Variants in ATG7 observed in about 807,000 individuals in gnomAD.
ATG7 encodes autophagy related 7.
In ATG7, 70 loss-of-function variants were observed where a neutral mutation model predicts 82.4. That is an observed-to-expected ratio of 0.85 (90% CI 0.70 to 1.04). The LOEUF is 1.04. Ranked by LOEUF, ATG7 falls within the 50% of genes least tolerant of loss-of-function variation. The probability of loss-of-function intolerance (pLI) is 0.00; values close to 1 mark genes in which losing one functional copy is unlikely to be tolerated. For synonymous variants in ATG7, 287 were observed against 313.0 expected, an observed-to-expected ratio of 0.92 and a Z score of 0.88; for missense variants, 792 against 864.3, an observed-to-expected ratio of 0.92 and a Z score of 1.05.
chr3:11,494,560 A>C (rs1037611953), intron 20 of ATG7, among the ~76,000 whole-genome samples: 3 of 152,212 alleles, frequency 2.0e-5, no homozygotes, highest in Non-Finnish European at 4.4e-5. Flanking sequence ...CTAGAAGGCA[A>C]AGCTAGGATT....
chr3:11,379,340 T>C (rs1033495251), intron 18 of ATG7, among the ~76,000 whole-genome samples: 6 of 152,222 alleles, frequency 3.9e-5, no homozygotes, highest in African/African-American at 9.7e-5. Flanking sequence ...ACTTCAGTTA[T>C]AGTTTGTGAA....
chr3:11,303,662 C>T (rs1482666316), intron 5 of ATG7, among the ~76,000 whole-genome samples: 5 of 150,076 alleles, frequency 3.3e-5, no homozygotes, highest in Admixed American at 6.6e-5. Context: ...AGCGAGACTC[C>T]GTCTCTAAAA....
chr3:11,475,431 G>A (rs1009549945), intron 20 of ATG7, among the ~76,000 whole-genome samples: 4 of 152,162 alleles, frequency 2.6e-5, no homozygotes, highest in Admixed American at 2.0e-4. Flanking sequence ...GGGGGCTGGC[G>A]AGATGCGTCA....
chr3:11,567,969 G>T, the ATG7 span, among the ~76,000 whole-genome samples: 125 of 152,256 alleles, frequency 8.2e-4, no homozygotes, highest in Admixed American at 2.2e-3. Context: ...GTCTGCCTCC[G>T]AATTTAGACG....
rs369954525 is a variant in ATG7, at chr3:11,511,514, C to T, written c.2080-43297C>T. On this transcript the variant is annotated intron_variant, in intron 20 of 20. Transcript: ENST00000693202. The stretch of plus-strand genomic sequence containing the variant: ...AGACTCTCCATGTCCCCACCAGACT[C>T]AGGAGCCCAGCTGGCTTCACCTAGT... Among the ~76,000 whole-genome samples, 40 of 152,366 alleles carry T rather than the reference C, an allele frequency of 2.6e-4. No individual in the cohort carries two copies. In the East Asian group the frequency reaches 6.9e-3, roughly 26 times the overall value.
At chr3:11,301,489 A>T (rs1172559352) in intron 5 of ATG7, among the ~76,000 whole-genome samples, 2 of 152,026 alleles carry the variant, frequency 1.3e-5, no homozygotes, top group Admixed American at 1.3e-4. Context: ...TTTTCCCTTT[A>T]TCTCAATCCA....
intron 20 of ATG7, among the ~76,000 whole-genome samples, chr3:11,515,493 G>A (rs1169768089): frequency 1.3e-5 from 2 of 152,070 alleles, no homozygotes; most frequent in African/African-American, 2.4e-5. Context: ...TAGTAGAGAC[G>A]GGGTTTTGCT....
chr3:11,485,379 G>A (rs537750023), intron 20 of ATG7, among the ~76,000 whole-genome samples: 10 of 152,126 alleles, frequency 6.6e-5, no homozygotes, highest in Non-Finnish European at 1.2e-4. Flanking sequence ...CCCACTTTTC[G>A]ATGGGGTTGT....
intron 20 of ATG7, among the ~76,000 whole-genome samples, chr3:11,492,085 C>A (rs1361962803): frequency 6.6e-6 from 1 of 152,198 alleles, no homozygotes; most frequent in Non-Finnish European, 1.5e-5. Flanking sequence ...GCAGTTTGAT[C>A]TCAGACTGCT....
intron 20 of ATG7, among the ~76,000 whole-genome samples, chr3:11,552,487 G>GC (rs1455456916): frequency 1.3e-5 from 2 of 152,102 alleles, no homozygotes; most frequent in African/African-American, 4.8e-5. Context: ...GCAGATCCCA[G>GC]CCCCCAGTCC....
intron 1 of ATG7, among the ~76,000 whole-genome samples, chr3:11,275,515 A>ATTTT (rs34040398): frequency 1.4e-4 from 15 of 109,170 alleles, no homozygotes; most frequent in African/African-American, 3.1e-4. Context: ...TGCCCGGCTA[A>ATTTT]TTTTTTTTTT....
intron 20 of ATG7, among the ~76,000 whole-genome samples, chr3:11,552,113 G>C (rs1575303987): frequency 1.3e-5 from 2 of 152,332 alleles, no homozygotes; most frequent in African/African-American, 2.4e-5. Context: ...ATTGGTTGTT[G>C]TCAATTTTAT....
intron 20 of ATG7, among the ~76,000 whole-genome samples, chr3:11,476,601 A>C (rs1447974617): frequency 6.6e-6 from 1 of 152,188 alleles, no homozygotes; most frequent in Non-Finnish European, 1.5e-5. Flanking sequence ...TTACTGGTAC[A>C]AGGTAGATGG....
intron 19 of ATG7, among the ~76,000 whole-genome samples, chr3:11,410,476 A>G (rs2080794325): frequency 6.6e-6 from 1 of 152,218 alleles, no homozygotes; most frequent in Non-Finnish European, 1.5e-5. Context: ...TTTTAAATGT[A>G]CAGCTCAGTG....
At chr3:11,475,481 G>C (rs757724242) in intron 20 of ATG7, among the ~76,000 whole-genome samples, 1 of 152,134 alleles carries the variant, frequency 6.6e-6, no homozygotes, top group Non-Finnish European at 1.5e-5. Context: ...CAGGGACTTT[G>C]AGGTGCAAAA....
At chr3:11,548,527 T>A (rs1443974332) in intron 20 of ATG7, among the ~76,000 whole-genome samples, 1 of 152,230 alleles carries the variant, frequency 6.6e-6, no homozygotes, top group African/African-American at 2.4e-5. Context: ...CCACCTGCCC[T>A]CTATAGGGAG....
intron 13 of ATG7, among the ~76,000 whole-genome samples, chr3:11,347,064 A>C (rs1174837346): frequency 2.0e-5 from 3 of 152,244 alleles, no homozygotes; most frequent in African/African-American, 7.2e-5. Flanking sequence ...ATGATCTACT[A>C]AAATATACCC....
At chr3:11,359,358 A>G (rs1044311352) in intron 15 of ATG7, among the ~76,000 whole-genome samples, 2 of 152,204 alleles carry the variant, frequency 1.3e-5, no homozygotes, top group Non-Finnish European at 2.9e-5. Flanking sequence ...TGGGATAATA[A>G]GTTAAATTAG....
intron 3 of ATG7, among the ~76,000 whole-genome samples, chr3:11,296,103 C>T (rs1945868792): frequency 6.6e-6 from 1 of 152,152 alleles, no homozygotes; most frequent in Non-Finnish European, 1.5e-5. Context: ...TTTTTACTCC[C>T]TAACTGCGGA....
Sources: gnomAD v4.1 joint callset for allele counts (sites outside exome capture counted in the v4.1 genomes callset) on GRCh38, gnomAD v4.1.1 for gene constraint, MANE v1.5 for transcripts, NCBI Gene and HGNC (gene_info 2026-07-23, HGNC 2026-07-21) for gene names.